The following LPP variants were observed in gnomAD, a reference collection of about 807,000 sequenced individuals.
LPP encodes LIM domain containing preferred translocation partner in lipoma.
Under a neutral mutation model 60.4 loss-of-function variants are expected in LPP, and 38 were observed. The observed-to-expected ratio is 0.63, with a 90% CI of 0.49 to 0.83. The LOEUF is 0.83. Among genes scored for constraint, LPP ranks in the 40% least tolerant of loss-of-function variants. The pLI is 0.00. For synonymous variants in LPP, 328 were observed against 290.8 expected (o/e 1.13, Z -1.30); for missense variants, 902 against 783.6 (o/e 1.15, Z -1.80).
At chr3:188,628,609 A>G (rs1847289941) in intron 7 of LPP, among the ~76,000 whole-genome samples, 1 of 152,148 alleles carries the variant, frequency 6.6e-6, no homozygotes, top group Non-Finnish European at 1.5e-5. Context: ...AGTTATAAAA[A>G]ACCTACCAAC....
At position 188,194,512 on chromosome 3, in the gene LPP, C is replaced by T. The variant is rs574655241; in HGVS notation, c.-189-30893C>T. Among the ~76,000 whole-genome samples, 7 of 152,320 alleles carry T rather than the reference C, an allele frequency of 4.6e-5. No individual in the cohort carries two copies. The South Asian group carries it at 1.5e-3, about 32-fold the overall frequency. ...TTTACATCTCTACTTTGGAGGCAAG[C>T]TCTATCCAGTTCTACTAACCTCAGT... On this transcript the variant is annotated intron_variant, in intron 1 of 11. Coordinates refer to ENST00000617246, the MANE Select transcript of LPP (RefSeq NM_001375462.1).
intron 3 of LPP, among the ~76,000 whole-genome samples, chr3:188,388,486 G>A (rs2148652763): frequency 6.6e-6 from 1 of 152,314 alleles, no homozygotes; most frequent in South Asian, 2.1e-4. Flanking sequence ...GATTGAAGGA[G>A]GAGGTGGTGC....
intron 7 of LPP, among the ~76,000 whole-genome samples, chr3:188,673,177 T>C (rs2149277180): frequency 6.6e-6 from 1 of 152,248 alleles, no homozygotes; most frequent in Middle Eastern, 3.4e-3. Context: ...TTATTTCCAG[T>C]CACGAGAAGT....
Position 188,732,529 on chromosome 3 carries a change from G to A in LPP, c.1240+24136G>A, listed in dbSNP as rs950002040. Among the ~76,000 whole-genome samples the A allele has an allele frequency of 4.0e-5, 6 of 151,668 alleles. No individual in the cohort carries two copies. In the East Asian group the frequency reaches 5.8e-4, roughly 15 times the overall value. On this transcript the variant is annotated intron_variant, in intron 8 of 11. Transcript: ENST00000617246. ...TCCCAGCGCTTTGGGAGGCCGAGGC[G>A]GGTCACGGTGAAACCCCGTCTCTAC...
intron 6 of LPP, among the ~76,000 whole-genome samples, chr3:188,600,086 T>C (rs1840819749): frequency 6.6e-6 from 1 of 151,574 alleles, no homozygotes; most frequent in Non-Finnish European, 1.5e-5. Context: ...GAAACCATTT[T>C]TAATTTTCTG....
intron 3 of LPP, among the ~76,000 whole-genome samples, chr3:188,359,569 C>T (rs1047674181): frequency 6.6e-6 from 1 of 152,148 alleles, no homozygotes; most frequent in Non-Finnish European, 1.5e-5. Context: ...GCTTATTCCA[C>T]GCTGGGCAGG....
At chr3:188,272,868 G>A (rs916844653) in intron 2 of LPP, among the ~76,000 whole-genome samples, 7 of 152,172 alleles carry the variant, frequency 4.6e-5, no homozygotes, top group East Asian at 3.8e-4. Flanking sequence ...TGACATAGGC[G>A]TATAAGGGCT....
intron 4 of LPP, among the ~76,000 whole-genome samples, chr3:188,415,176 T>C (rs1386677675): frequency 6.6e-6 from 1 of 152,182 alleles, no homozygotes; most frequent in East Asian, 1.9e-4. Context: ...TCCCTCCGTA[T>C]TTTACATCTG....
chr3:188,593,160 G>A lies in LPP; in HGVS notation c.430-16001G>A, dbSNP rs150399394. Among the ~76,000 whole-genome samples, 805 of 151,116 alleles carry A rather than the reference G, an allele frequency of 5.3e-3. 10 individuals are homozygous for A. The highest frequency in any genetic ancestry group is 0.018 in the African/African-American group (740 of 41,272). The stretch of plus-strand genomic sequence containing the variant: ...ATTACACCTCTGATGCCTGGTGTGT[G>A]TGTGTGTGTGTGTGTGTGTGTGTTT... On this transcript the variant is annotated intron_variant, in intron 6 of 11. Coordinates refer to ENST00000617246, the MANE Select transcript of LPP (RefSeq NM_001375462.1).
At chr3:188,638,019 C>G (rs1156751642) in intron 7 of LPP, among the ~76,000 whole-genome samples, 4 of 150,242 alleles carry the variant, frequency 2.7e-5, no homozygotes, top group Admixed American at 1.3e-4. Context: ...TTTTATGAGG[C>G]CAGCATCATC....
chr3:188,705,595 A>G (rs1041305166), intron 7 of LPP, among the ~76,000 whole-genome samples: 1 of 151,870 alleles, frequency 6.6e-6, no homozygotes, highest in East Asian at 1.9e-4. Flanking sequence ...ACTATGCTAT[A>G]TATATATATA....
intron 7 of LPP, among the ~76,000 whole-genome samples, chr3:188,623,357 A>G (rs1255319017): frequency 1.3e-5 from 2 of 150,488 alleles, no homozygotes; most frequent in Non-Finnish European, 2.9e-5. Context: ...TCCCAGGTTC[A>G]GGTGATTCTC....
chr3:188,348,893 C>T (rs777312395), intron 3 of LPP, among the ~76,000 whole-genome samples: 10 of 149,886 alleles, frequency 6.7e-5, no homozygotes, highest in Non-Finnish European at 1.3e-4. Flanking sequence ...GTCCGGGGGG[C>T]GGGGATGCTG....
At chr3:188,324,032 A>ATTGTTT (rs1560248576) in intron 2 of LPP, among the ~76,000 whole-genome samples, 2 of 151,994 alleles carry the variant, frequency 1.3e-5, no homozygotes, top group Admixed American at 6.6e-5. Flanking sequence ...AATGATTGGT[A>ATTGTTT]TTGTTGTTGT....
At position 188,579,730 on chromosome 3, in the gene LPP, C is replaced by T. The variant is rs550562598; in HGVS notation, c.430-29431C>T. Among the ~76,000 whole-genome samples the T allele has an allele frequency of 3.6e-3, 539 of 151,088 alleles. 2 individuals are homozygous for T. Among genetic ancestry groups the T allele is most frequent in the Non-Finnish European group, 6.1e-3 (414 of 67,848 alleles). On this transcript the variant is annotated intron_variant, in intron 6 of 11. Transcript: ENST00000617246. ...ATCTGAGCTCTTTGGGATGCTGAGG[C>T]GGTATGATCCCATGAGCACAGGAGT...
chr3:188,231,759 C>G (rs1335011687), intron 2 of LPP, among the ~76,000 whole-genome samples: 2 of 152,120 alleles, frequency 1.3e-5, no homozygotes, highest in Admixed American at 1.3e-4. Flanking sequence ...GATGTTTTCT[C>G]TTCTTTTCTC....
At chr3:188,507,657 C>G (rs1559813) in intron 5 of LPP, among the ~76,000 whole-genome samples, 140,613 of 152,102 alleles carry the variant, frequency 0.92, 65,316 homozygotes, top group East Asian at 1. Flanking sequence ...CTGTGGTGCC[C>G]CAGAGAAGCG....
chr3:188,590,280 G>A (rs1838380525), intron 6 of LPP, among the ~76,000 whole-genome samples: 1 of 152,082 alleles, frequency 6.6e-6, no homozygotes, highest in African/African-American at 2.4e-5. Context: ...TTTTAAAAAA[G>A]ATGTATTCTT....
intron 3 of LPP, among the ~76,000 whole-genome samples, chr3:188,360,639 G>A (rs1769016519): frequency 6.6e-6 from 1 of 152,100 alleles, no homozygotes; most frequent in Non-Finnish European, 1.5e-5. Context: ...TTACAGTCAT[G>A]AGCCACCACA....
Sources: allele counts gnomAD v4.1 joint callset (sites outside exome capture counted in the v4.1 genomes callset), GRCh38; gene constraint gnomAD v4.1.1; transcripts MANE v1.5; gene names NCBI Gene and HGNC (gene_info 2026-07-23, HGNC 2026-07-21).